SPMAP2L: variants seen among roughly 807,000 people sequenced by gnomAD.
SPMAP2L encodes sperm microtubule associated protein 2 like, also known as sperm microtubule associated protein 2-like.
At chr4:56,563,881 T>C in the SPMAP2L span, among the ~76,000 whole-genome samples, 2 of 152,204 alleles carry the variant, frequency 1.3e-5, no homozygotes, top group Non-Finnish European at 2.9e-5. Context: ...GTTTTGGTAT[T>C]ACGGTAATGG....
At chr4:56,534,522 A>G in the SPMAP2L span, among the ~76,000 whole-genome samples, 333 of 152,270 alleles carry the variant, frequency 2.2e-3, 13 homozygotes, top group South Asian at 0.05. Flanking sequence ...GGCCTTAACT[A>G]TATTCTGGTA....
the SPMAP2L span, chr4:56,595,417 G>C: frequency 6.2e-7 from 1 of 1,606,660 alleles, no homozygotes. Flanking sequence ...CAGATTCTGT[G>C]ATGCCATGAT....
the SPMAP2L span, among the ~76,000 whole-genome samples, chr4:56,540,138 T>C: frequency 6.6e-6 from 1 of 152,214 alleles, no homozygotes; most frequent in Non-Finnish European, 1.5e-5. Flanking sequence ...TCTCATTTTA[T>C]CCTTAAGACA....
the SPMAP2L span, among the ~76,000 whole-genome samples, chr4:56,620,073 C>T: frequency 5.3e-5 from 8 of 152,220 alleles, no homozygotes; most frequent in African/African-American, 1.4e-4. Flanking sequence ...GTTTCAAAGT[C>T]TCTCACTGGG....
At chr4:56,584,712 C>T in the SPMAP2L span, 1 of 823,224 alleles carries the variant, frequency 1.2e-6, no homozygotes. Flanking sequence ...GTTTATTTTT[C>T]CCTCTTATCA....
the SPMAP2L span, among the ~76,000 whole-genome samples, chr4:56,592,842 A>G: frequency 6.6e-6 from 1 of 152,164 alleles, no homozygotes; most frequent in African/African-American, 2.4e-5. Flanking sequence ...AGACACGACG[A>G]CTTCGCTCGG....
the SPMAP2L span, chr4:56,593,779 A>C: frequency 1.3e-6 from 2 of 1,584,550 alleles, no homozygotes; most frequent in Non-Finnish European, 1.7e-6. Context: ...ACACTGAGAG[A>C]GACATGGCTA....
At chr4:56,548,930 G>T in the SPMAP2L span, 1 of 591,252 alleles carries the variant, frequency 1.7e-6, no homozygotes, top group South Asian at 5.5e-5. Context: ...TTTTCAAAAA[G>T]GACATTCCTA....
the SPMAP2L span, among the ~76,000 whole-genome samples, chr4:56,604,225 A>T: frequency 6.6e-6 from 1 of 152,204 alleles, no homozygotes; most frequent in Middle Eastern, 3.2e-3. Context: ...TTTACCAGGT[A>T]TGTGATCTTA....
At chr4:56,604,944 G>A in the SPMAP2L span, among the ~76,000 whole-genome samples, 1 of 152,186 alleles carries the variant, frequency 6.6e-6, no homozygotes, top group African/African-American at 2.4e-5. Flanking sequence ...ATAAGTGGGA[G>A]CTAAGCTGTG....
chr4:56,617,168 G>A, the SPMAP2L span, among the ~76,000 whole-genome samples: 2 of 152,090 alleles, frequency 1.3e-5, no homozygotes, highest in African/African-American at 4.8e-5. Context: ...GGTACAGCCT[G>A]TTGCTCCTCA....
chr4:56,567,533 G>C, the SPMAP2L span, among the ~76,000 whole-genome samples: 1 of 137,610 alleles, frequency 7.3e-6, no homozygotes, highest in South Asian at 2.5e-4. Context: ...CAAGTGATCC[G>C]CCGCCTCGGC....
At chr4:56,591,048 A>C in the SPMAP2L span, among the ~76,000 whole-genome samples, 1 of 152,194 alleles carries the variant, frequency 6.6e-6, no homozygotes, top group Non-Finnish European at 1.5e-5. Flanking sequence ...TAAATGATTC[A>C]ATATGTTATG....
the SPMAP2L span, among the ~76,000 whole-genome samples, chr4:56,566,944 C>G: frequency 6.6e-6 from 1 of 151,954 alleles, no homozygotes; most frequent in South Asian, 2.1e-4. Context: ...ATCCGCCCAC[C>G]TTGGCCTCCC....
the SPMAP2L span, among the ~76,000 whole-genome samples, chr4:56,545,132 G>A: frequency 6.6e-6 from 1 of 152,184 alleles, no homozygotes; most frequent in African/African-American, 2.4e-5. Context: ...TGGTGATGAA[G>A]CCCCTGCTCC....
the SPMAP2L span, among the ~76,000 whole-genome samples, chr4:56,619,432 C>G: frequency 6.6e-6 from 1 of 152,170 alleles, no homozygotes; most frequent in East Asian, 1.9e-4. Context: ...CCATTCCACT[C>G]TTTGATTCTA....
chr4:56,612,512 A>G, the SPMAP2L span, among the ~76,000 whole-genome samples: 1 of 151,068 alleles, frequency 6.6e-6, no homozygotes, highest in Non-Finnish European at 1.5e-5. Flanking sequence ...TATTTAATAG[A>G]GATAGGGTTT....
At chr4:56,534,789 C>T in the SPMAP2L span, among the ~76,000 whole-genome samples, 2 of 152,022 alleles carry the variant, frequency 1.3e-5, no homozygotes, top group African/African-American at 4.8e-5. Context: ...AATAGCTAGG[C>T]GTGGTGGCGC....
At chr4:56,595,664 C>G in the SPMAP2L span, 1 of 1,154,572 alleles carries the variant, frequency 8.7e-7, no homozygotes, top group East Asian at 2.3e-5. Flanking sequence ...TTTGTACCTG[C>G]CCACCCATGG....
Sources: allele counts gnomAD v4.1 joint callset (sites outside exome capture counted in the v4.1 genomes callset), GRCh38; gene constraint gnomAD v4.1.1; transcripts MANE v1.5; gene names NCBI Gene and HGNC (gene_info 2026-07-23, HGNC 2026-07-21).